KCNMA1: variants seen among roughly 807,000 people sequenced by gnomAD.
The protein encoded by KCNMA1 is potassium calcium-activated channel subfamily M alpha 1.
Under a neutral mutation model 140.0 loss-of-function variants are expected in KCNMA1, and 29 were observed. That is an observed-to-expected ratio of 0.21 (90% CI 0.15 to 0.28). The LOEUF is 0.28. KCNMA1 is among the 10% of genes least tolerant of loss of function. KCNMA1 has a pLI of 1.00. For synonymous variants in KCNMA1, 612 were observed against 611.9 expected (o/e 1.00, Z 0.00); for missense variants, 880 against 1,602.2 (o/e 0.55, Z 7.70).
chr10:77,200,552 C>T (rs1480131972), intron 3 of KCNMA1, among the ~76,000 whole-genome samples: 3 of 151,822 alleles, frequency 2.0e-5, no homozygotes, highest in African/African-American at 7.3e-5. Context: ...TTTCCTAAAC[C>T]ACATGGTTCT....
At chr10:76,942,065 G>A (rs550958497) in intron 23 of KCNMA1, among the ~76,000 whole-genome samples, 23 of 152,106 alleles carry the variant, frequency 1.5e-4, no homozygotes, top group Non-Finnish European at 3.1e-4. Flanking sequence ...TCCACCTCCC[G>A]GGTTCAAGTG....
intron 1 of KCNMA1, among the ~76,000 whole-genome samples, chr10:77,533,729 C>T (rs781650775): frequency 6.6e-6 from 1 of 152,190 alleles, no homozygotes; most frequent in Non-Finnish European, 1.5e-5. Context: ...GATGAACTCC[C>T]CCTGCTTAGG....
At chr10:77,292,843 G>A (rs562352653) in intron 2 of KCNMA1, among the ~76,000 whole-genome samples, 1 of 152,284 alleles carries the variant, frequency 6.6e-6, no homozygotes, top group African/African-American at 2.4e-5. Flanking sequence ...ATTCCAGTGG[G>A]CAGGAATACA....
chr10:77,063,368 G>T (rs993678631), intron 14 of KCNMA1, among the ~76,000 whole-genome samples: 7 of 152,044 alleles, frequency 4.6e-5, no homozygotes, highest in Non-Finnish European at 1.0e-4. Context: ...TGCTGGGGGA[G>T]AGGTGGGCGG....
At chr10:77,003,225 T>C (rs576521678) in intron 18 of KCNMA1, among the ~76,000 whole-genome samples, 8 of 152,322 alleles carry the variant, frequency 5.3e-5, no homozygotes, top group Non-Finnish European at 1.0e-4. Context: ...TTTAGTGTCC[T>C]AGCTAGTCTG....
chr10:77,556,621 G>A (rs577083525), intron 1 of KCNMA1, among the ~76,000 whole-genome samples: 3 of 151,542 alleles, frequency 2.0e-5, no homozygotes, highest in Non-Finnish European at 2.9e-5. Flanking sequence ...TTTCAAAACC[G>A]TGATTATGCT....
intron 1 of KCNMA1, among the ~76,000 whole-genome samples, chr10:77,603,548 T>C (rs949629761): frequency 1.4e-4 from 21 of 152,154 alleles, no homozygotes; most frequent in African/African-American, 4.6e-4. Flanking sequence ...ATCCAGTCCA[T>C]GATTGGACAC....
intron 1 of KCNMA1, among the ~76,000 whole-genome samples, chr10:77,483,039 CA>C (rs1437287198): frequency 3.3e-4 from 47 of 141,558 alleles, no homozygotes; most frequent in South Asian, 7.0e-4. Context: ...CACACACACA[CA>C]CCCCTTGTTC....
intron 2 of KCNMA1, among the ~76,000 whole-genome samples, chr10:77,376,178 G>T (rs539836766): frequency 1.3e-5 from 2 of 152,178 alleles, no homozygotes; most frequent in Non-Finnish European, 2.9e-5. Context: ...ACAGTATACT[G>T]TGGTGCTATG....
rs531410999 is a variant in KCNMA1 at position 77,415,222 on chromosome 10, TAATACA to T, written c.379-11205_379-11200del. Reference sequence around the variant, plus strand: ...AAGGCAACCTCCAAACTTTCAGGGCTAATACATACATCCTGGCCAATGTGCCGTATT... The same window carrying T: ...AAGGCAACCTCCAAACTTTCAGGGCTTACATCCTGGCCAATGTGCCGTATT... On this transcript the variant is annotated intron_variant, in intron 1 of 27. Coordinates refer to ENST00000286628, the MANE Select transcript of KCNMA1 (RefSeq NM_001161352.2). Among the ~76,000 whole-genome samples, 282 of 152,360 alleles carry T rather than the reference TAATACA, an allele frequency of 1.9e-3. 4 individuals carry two copies. Among genetic ancestry groups the T allele is most frequent in the South Asian group, 0.017 (80 of 4,826 alleles).
chr10:77,030,118 GCAGA>G (rs1489348711), intron 15 of KCNMA1, among the ~76,000 whole-genome samples: 1 of 152,200 alleles, frequency 6.6e-6, no homozygotes, highest in African/African-American at 2.4e-5. Flanking sequence ...ACTGCCTTCA[GCAGA>G]CAGTCAGATG....
At chr10:77,583,658 C>T (rs752126778) in intron 1 of KCNMA1, among the ~76,000 whole-genome samples, 4 of 152,242 alleles carry the variant, frequency 2.6e-5, no homozygotes, top group Non-Finnish European at 5.9e-5. Context: ...CAGGATTGAG[C>T]TTACTCCTGG....
chr10:77,018,960 C>A, intron 17 of KCNMA1, 53 bp downstream of exon 17: 5 of 992,058 alleles, frequency 5.0e-6, no homozygotes, highest in South Asian at 1.3e-5. Context: ...TTCCGTGGGT[C>A]AAGGTGTCTA....
chr10:77,322,235 C>CAA (rs2082560508), intron 2 of KCNMA1, among the ~76,000 whole-genome samples: 1 of 152,188 alleles, frequency 6.6e-6, no homozygotes, highest in African/African-American at 2.4e-5. Context: ...ATCCACTCAA[C>CAA]AACAAGGGGC....
chr10:77,511,867 G>A (rs2048537801), intron 1 of KCNMA1, among the ~76,000 whole-genome samples: 1 of 152,260 alleles, frequency 6.6e-6, no homozygotes, highest in South Asian at 2.1e-4. Context: ...GAAATATGTT[G>A]CCTGAGAGAC....
chr10:77,011,966 C>T lies in KCNMA1; in HGVS notation c.2092+1G>A, dbSNP rs2090875352. 2 of 1,613,342 alleles carry T rather than the reference C, an allele frequency of 1.2e-6. No individual in the cohort carries two copies. Among genetic ancestry groups the T allele is most frequent in the Non-Finnish European group, 8.5e-7 (1 of 1,179,382 alleles). ...GGGACAGGGAGAGAAACACTACTTACGCCGTTTGCAGCCACATTTTTTTAT... is the reference window on the plus strand; with the variant it reads ...GGGACAGGGAGAGAAACACTACTTATGCCGTTTGCAGCCACATTTTTTTAT... On this transcript the variant is annotated splice_donor_variant, in intron 18 of 27. Transcript: ENST00000286628. LOFTEE classifies it high-confidence loss of function.
chr10:77,594,254 A>C (rs2154565264), intron 1 of KCNMA1, among the ~76,000 whole-genome samples: 1 of 152,296 alleles, frequency 6.6e-6, no homozygotes, highest in Non-Finnish European at 1.5e-5. Context: ...ACCCCTCACC[A>C]TTCGGTTGCA....
intron 13 of KCNMA1, among the ~76,000 whole-genome samples, chr10:77,078,402 C>T (rs995483534): frequency 2.0e-5 from 3 of 152,222 alleles, no homozygotes; most frequent in Non-Finnish European, 2.9e-5. Context: ...GAATGAGACA[C>T]TGGACTCTGG....
intron 1 of KCNMA1, among the ~76,000 whole-genome samples, chr10:77,583,981 T>C (rs577625206): frequency 8.2e-4 from 125 of 152,370 alleles, no homozygotes; most frequent in African/African-American, 2.7e-3. Context: ...AAGAGACAGA[T>C]TGCAGGGGGC....
Sources: gnomAD v4.1 joint callset for allele counts (sites outside exome capture counted in the v4.1 genomes callset) on GRCh38, gnomAD v4.1.1 for gene constraint, MANE v1.5 for transcripts, NCBI Gene and HGNC (gene_info 2026-07-23, HGNC 2026-07-21) for gene names.